Variants in PRDM9 observed in about 807,000 individuals in gnomAD.
The protein encoded by PRDM9 is histone-lysine N-methyltransferase PRDM9.
A neutral mutation model predicts 55.6 loss-of-function variants in PRDM9; 47 were observed. That is an observed-to-expected ratio of 0.85 (90% confidence interval 0.67 to 1.08). The LOEUF is 1.08. Ranked by LOEUF, PRDM9 falls within the 50% of genes least tolerant of loss-of-function variation. PRDM9 has a pLI of 0.00. For missense variants in PRDM9, 867 were observed against 1,040.3 expected (o/e 0.83, Z 2.29); for synonymous variants, 312 against 375.7 (o/e 0.83, Z 1.96).
intron 6 of PRDM9, among the ~76,000 whole-genome samples, chr5:23,521,670 T>C (rs1290493303): frequency 6.6e-6 from 1 of 152,160 alleles, no homozygotes; most frequent in East Asian, 1.9e-4. Context: ...TGTAAGAACA[T>C]TAACTTTGAA....
Position 23,522,818 on chromosome 5 carries a change from A to C in PRDM9, c.815A>C (p.His272Pro). The C allele has an allele frequency of 6.2e-7, 1 of 1,614,248 alleles. No homozygotes were observed. Among genetic ancestry groups the C allele is most frequent in the Non-Finnish European group, 8.5e-7 (1 of 1,180,044 alleles). The change falls in exon 8 of 11, where the codon CAC becomes CCC. Residue 272 changes from histidine (H) to proline (P), a missense_variant. Transcript: ENST00000296682. ...GCATCTGATCTGCCGCTGGGTCTGC[A>C]CTTTGGCCCTTATGAGGGCCGAATT... ...NEASDLPLGL[H>P]FGPYEGRITE...
chr5:23,526,837 G>C lies in PRDM9; in HGVS notation c.1749G>C (p.Arg583Ser), dbSNP rs1739455317. 1.2e-6 allele frequency: 2 copies of C among 1,605,758 alleles called. No individual in the cohort carries two copies. Among genetic ancestry groups the C allele is most frequent in the African/African-American group, 1.4e-5 (1 of 72,938 alleles). Residue 583 changes from arginine (R) to serine (S), a missense_variant, in exon 11 of 11, where the codon AGG (arginine) becomes AGC (serine). Arg to Ser is a moderately radical substitution (Grantham distance 110). Transcript: ENST00000296682. Reference sequence around the variant, plus strand: ...CAGGGGAGAAGCCCTATGTCTGCAGGGAGTGTGGGCGGGGCTTTAGCTGGC... The same window carrying C: ...CAGGGGAGAAGCCCTATGTCTGCAGCGAGTGTGGGCGGGGCTTTAGCTGGC... ...IHTGEKPYVC[R>S]ECGRGFSWQS... is the part of the protein sequence containing the mutation.
Position 23,527,651 on chromosome 5 carries a change from A to G in PRDM9, c.2563A>G (p.Thr855Ala). The G allele has an allele frequency of 6.6e-7, 1 of 1,519,056 alleles. No individual in the cohort carries two copies. The highest frequency in any genetic ancestry group is 8.9e-7 in the Non-Finnish European group (1 of 1,125,202). The allele number at this position is 1,519,056 out of a possible 1,614,324, so 94.1% of individuals were successfully genotyped here. ...CCTCCTCAGACACCAGAGGACACAC[A>G]CAGGGGAGAAGCCCTACGTCTGCAG... ...SHLLRHQRTHTGEKPYVCREC... is the reference protein window; with the variant it reads ...SHLLRHQRTHAGEKPYVCREC... Residue 855 changes from threonine to alanine, a missense_variant, in exon 11 of 11, where the codon ACA (threonine) becomes GCA (alanine). This residue lies in a region of PRDM9 where 86 missense variants were observed against 73.6 expected (regional missense o/e 1.17). Coordinates refer to ENST00000296682, the MANE Select transcript of PRDM9 (RefSeq NM_020227.4).
intron 4 of PRDM9, among the ~76,000 whole-genome samples, chr5:23,512,865 C>T (rs1739127827): frequency 6.6e-6 from 1 of 152,134 alleles, no homozygotes; most frequent in African/African-American, 2.4e-5. Flanking sequence ...ATGGAATCAG[C>T]CATGAAATAT....
intron 5 of PRDM9, 26 bp downstream of exon 5, chr5:23,517,956 CAAG>C (rs756212278): frequency 6.4e-7 from 1 of 1,552,634 alleles, no homozygotes; most frequent in Admixed American, 1.7e-5. Flanking sequence ...ATCCTATTGA[CAAG>C]AAACCTTCCT....
intron 4 of PRDM9, among the ~76,000 whole-genome samples, chr5:23,515,066 C>T (rs773344718): frequency 4.0e-5 from 6 of 151,854 alleles, no homozygotes; most frequent in Non-Finnish European, 5.9e-5. Context: ...CGGGTTCCAC[C>T]GATTATTCTG....
intron 1 of PRDM9, among the ~76,000 whole-genome samples, chr5:23,508,281 A>C (rs1198767079): frequency 6.6e-6 from 1 of 151,950 alleles, no homozygotes; most frequent in Non-Finnish European, 1.5e-5. Context: ...TTCAGCTTAA[A>C]AGACCCCAAA....
intron 6 of PRDM9, among the ~76,000 whole-genome samples, chr5:23,521,608 G>A (rs1158233073): frequency 2.0e-5 from 3 of 152,304 alleles, no homozygotes; most frequent in Middle Eastern, 3.4e-3. Context: ...AAAATGCTGG[G>A]ATTACAGGCT....
intron 5 of PRDM9, among the ~76,000 whole-genome samples, chr5:23,519,912 T>C (rs1739293219): frequency 1.3e-5 from 2 of 149,720 alleles, no homozygotes; most frequent in South Asian, 4.3e-4. Context: ...GGCATGGTGG[T>C]GGACACCTGT....
In PRDM9 at chr5:23,524,350, C is replaced by T. The variant is rs202071047; in HGVS notation, c.967C>T (p.Arg323Trp). Residue 323 changes from arginine (R) to tryptophan (W), a missense_variant, in exon 10 of 11, where the codon CGG becomes TGG. Physicochemically the swap from Arg to Trp is moderately radical, Grantham distance 101 (BLOSUM62 -3). Around this residue, in one of 5 missense-constraint regions of PRDM9, gnomAD observed 662 missense variants for 711.9 expected, o/e 0.93. Coordinates refer to ENST00000296682, the MANE Select transcript of PRDM9 (RefSeq NM_020227.4). ...ANWMRYVNCARDDEEQNLVAF... is the reference protein window; with the variant it reads ...ANWMRYVNCAWDDEEQNLVAF... ...TGACCCCAGGTATGTGAACTGTGCC[C>T]GGGATGATGAAGAGCAGAACCTGGT... 3.7e-5 allele frequency: 60 copies of T among 1,613,704 alleles called. No individual in the cohort carries two copies. In the African/African-American group the frequency reaches 6.8e-4, roughly 18 times the overall value.
At position 23,509,051 on chromosome 5, in the gene PRDM9, C is replaced by T. The variant is rs1484683896; in HGVS notation, c.18C>T (p.Ser6=). 1.9e-6 allele frequency: 3 copies of T among 1,614,048 alleles called. No homozygotes were observed. The highest frequency in any genetic ancestry group is 4.5e-5 in the East Asian group (2 of 44,860). The change falls in exon 2 of 11, where the codon TCC becomes TCT. Residue 6 remains serine (S), a synonymous_variant. Transcript: ENST00000296682. MSPEK[S]QEESPEEDTE... is the part of the protein sequence containing the mutation. ...CCAGCACCATGAGCCCTGAAAAGTC[C>T]CAAGAGGAGAGCCCAGAAGAAGACA...
intron 4 of PRDM9, among the ~76,000 whole-genome samples, chr5:23,514,218 C>G (rs1739155819): frequency 6.6e-6 from 1 of 152,244 alleles, no homozygotes; most frequent in Non-Finnish European, 1.5e-5. Context: ...CAGGCTGCCA[C>G]AAGAAAATAC....
At chr5:23,515,620 TTTC>T (rs777545168) in intron 4 of PRDM9, among the ~76,000 whole-genome samples, 7 of 152,218 alleles carry the variant, frequency 4.6e-5, no homozygotes, top group Non-Finnish European at 8.8e-5. Context: ...TCCTCTGTGT[TTTC>T]TTCTTGAGGT....
At chr5:23,518,029 C>G in intron 5 of PRDM9, 99 bp downstream of exon 5, 1 of 1,100,392 alleles carries the variant, frequency 9.1e-7, no homozygotes, top group Non-Finnish European at 1.4e-6. Flanking sequence ...GAACTAATGC[C>G]TTCTTTTCCT....
In PRDM9 at chr5:23,527,563, A is replaced by C. The variant is rs375461558; in HGVS notation, c.2475A>C (p.Thr825=). Residue 825 remains threonine, a synonymous_variant, in exon 11 of 11, where the codon ACA becomes ACC. Transcript: ENST00000296682. ...CACACCTCCTCAGACACCAGAGGACACACACAGGGGAGAAGCCCTATGTCT... is the reference window on the plus strand; with the variant it reads ...CACACCTCCTCAGACACCAGAGGACCCACACAGGGGAGAAGCCCTATGTCT... ...NKSHLLRHQR[T]HTGEKPYVCR... The C allele has an allele frequency of 2.2e-4, 343 of 1,575,504 alleles. No individual in the cohort carries two copies. The highest frequency in any genetic ancestry group is 2.8e-4 in the Non-Finnish European group (331 of 1,168,386).
intron 8 of PRDM9, 89 bp from the exon 9 acceptor site, chr5:23,523,202 G>T (rs1341991514): frequency 2.1e-6 from 3 of 1,449,634 alleles, no homozygotes; most frequent in Non-Finnish European, 2.9e-6. Flanking sequence ...AGCTATGCAG[G>T]CCCAAAGGCC....
chr5:23,517,946 A>C lies in PRDM9; in HGVS notation c.351+16A>C, dbSNP rs752355923. The stretch of plus-strand genomic sequence containing the variant: ...ACACCAGAAGGTAAGTATTTCCCAA[A>C]TCCTATTGACAAGAAACCTTCCTCA... On this transcript the variant is annotated intron_variant, in intron 5 of 10. Transcript: ENST00000296682. 1.2e-5 allele frequency: 19 copies of C among 1,574,148 alleles called. No homozygotes were observed. Among genetic ancestry groups the C allele is most frequent in the Admixed American group, 1.7e-5 (1 of 59,922 alleles).
chr5:23,522,228 A>T, intron 6 of PRDM9, 76 bp from the exon 7 acceptor site: 1 of 1,260,064 alleles, frequency 7.9e-7, no homozygotes, highest in Middle Eastern at 1.9e-4. Flanking sequence ...TTGATGGTAG[A>T]TTTCACATTT....
At chr5:23,522,963 A>G (rs1057362203) in intron 8 of PRDM9, 78 bp downstream of exon 8, 484 of 1,605,764 alleles carry the variant, frequency 3.0e-4, no homozygotes, top group Non-Finnish European at 2.9e-4. Flanking sequence ...AATCTTCTAC[A>G]TGTTAGTATA....
Sources: gnomAD v4.1 joint callset for allele counts (sites outside exome capture counted in the v4.1 genomes callset) on GRCh38, gnomAD v4.1.1 for gene constraint, gnomAD v4.1.1 regional missense constraint, MANE v1.5 for transcripts, NCBI Gene and HGNC (gene_info 2026-07-23, HGNC 2026-07-21) for gene names.